TUBGCP4: variants seen among roughly 807,000 people sequenced by gnomAD.
The protein encoded by TUBGCP4 is tubulin gamma complex component 4, also known as gamma-tubulin complex component 4.
Under a neutral mutation model 91.6 loss-of-function variants are expected in TUBGCP4, and 54 were observed. The ratio of observed to expected loss-of-function variants is 0.59; its 90% CI spans 0.47 to 0.74. The LOEUF is 0.74. Among genes scored for constraint, TUBGCP4 ranks in the 30% least tolerant of loss-of-function variants. The pLI is 0.00. For synonymous variants in TUBGCP4, 297 were observed against 302.8 expected (o/e 0.98, Z 0.20); for missense variants, 593 against 800.9 (o/e 0.74, Z 3.13).
chr15:43,408,237 G>A lies in TUBGCP4; in HGVS notation c.*3023G>A. 1.2e-6 allele frequency: 1 copy of A among 807,474 alleles called. No individual in the cohort carries two copies. The highest frequency in any genetic ancestry group is 1.9e-6 in the Non-Finnish European group (1 of 530,636). The allele number at this position is 807,474 out of a possible 1,614,324, so 50.0% of individuals were successfully genotyped here. On this transcript the variant is annotated 3_prime_UTR_variant, in exon 18 of 18. Coordinates refer to ENST00000564079, the MANE Select transcript of TUBGCP4 (RefSeq NM_014444.5). ...TCAAGCCTGTAATCCCAGCACTTTG[G>A]GAGGCTGTCGTGGTTGGATCTCTTG...
chr15:43,377,511 T>C (rs963934462), intron 4 of TUBGCP4: 2 of 301,376 alleles, frequency 6.6e-6, no homozygotes, highest in Non-Finnish European at 1.2e-5. Flanking sequence ...TAGTCCCAGC[T>C]ACTTGGGAGG....
rs2044994760 is a variant in TUBGCP4 at position 43,408,448 on chromosome 15, T to G, written c.*3234T>G. On this transcript the variant is annotated 3_prime_UTR_variant, in exon 18 of 18. Coordinates refer to ENST00000564079, the MANE Select transcript of TUBGCP4 (RefSeq NM_014444.5). ...GTAAGTCGTCACTGCGCCACTGTAC[T>G]CCAGCCTAGGTGACAGAGCAAGACT... 3.7e-6 allele frequency: 1 copy of G among 269,258 alleles called. No individual in the cohort carries two copies. Among genetic ancestry groups the G allele is most frequent in the African/African-American group, 2.2e-5 (1 of 44,668 alleles). The allele number at this position is 269,258 out of a possible 1,614,324, so 16.7% of individuals were successfully genotyped here. A position where few individuals can be genotyped will look rare whatever the true frequency, so the allele number is the denominator to read the frequency against.
At position 43,407,028 on chromosome 15, in the gene TUBGCP4, T is replaced by C. The variant is rs2044919414; in HGVS notation, c.*1814T>C. ...AAACTGAGTTTCTGCAAGCATAGCATTTTAGACACCCTGGAATAACCTTTT... is the reference window on the plus strand; with the variant it reads ...AAACTGAGTTTCTGCAAGCATAGCACTTTAGACACCCTGGAATAACCTTTT... On this transcript the variant is annotated 3_prime_UTR_variant, in exon 18 of 18. Transcript: ENST00000564079. 8 of 245,604 alleles carry C rather than the reference T, an allele frequency of 3.3e-5. 1 individual carries two copies. Among genetic ancestry groups the C allele is most frequent in the Middle Eastern group, 3.0e-3 (2 of 660 alleles). The allele number at this position is 245,604 out of a possible 1,614,324, so 15.2% of individuals were successfully genotyped here.
chr15:43,399,960 G>A, intron 13 of TUBGCP4, 84 bp from the exon 14 acceptor site: 1 of 1,018,380 alleles, frequency 9.8e-7, no homozygotes, highest in East Asian at 2.6e-5. Flanking sequence ...AGGAGTGGGT[G>A]GCACAAAGTC....
chr15:43,372,748 G>A (rs1253323941), intron 1 of TUBGCP4, among the ~76,000 whole-genome samples: 2 of 152,140 alleles, frequency 1.3e-5, no homozygotes, highest in East Asian at 3.8e-4. Context: ...AAGTCACTTT[G>A]TCAGAAAAAC....
intron 10 of TUBGCP4, 50 bp from the exon 11 acceptor site, chr15:43,395,533 G>A (rs753694328): frequency 1.5e-6 from 2 of 1,346,962 alleles, no homozygotes; most frequent in East Asian, 4.6e-5. Flanking sequence ...AGGACAGTGA[G>A]GAGCTCCTGC....
chr15:43,408,080 C>T lies in TUBGCP4; in HGVS notation c.*2866C>T, dbSNP rs1353202985. ...CTTCAGATTCTGGAAAGGATTTTCA[C>T]GGGGTTGCCTATGAAGGAGACAGGA... On this transcript the variant is annotated 3_prime_UTR_variant, in exon 18 of 18. Coordinates refer to ENST00000564079, the MANE Select transcript of TUBGCP4 (RefSeq NM_014444.5). 9 of 1,613,622 alleles carry T rather than the reference C, an allele frequency of 5.6e-6. No individual in the cohort carries two copies. Among genetic ancestry groups the T allele is most frequent in the East Asian group, 2.2e-5 (1 of 44,894 alleles).
rs570130358 is a variant in TUBGCP4, at chr15:43,377,447, A to G, written c.384+380A>G. Among the ~76,000 whole-genome samples, 85 of 152,110 alleles carry G rather than the reference A, an allele frequency of 5.6e-4. 1 individual carries two copies. The highest frequency in any genetic ancestry group is 3.4e-3 in the Middle Eastern group (1 of 294). Reference sequence around the variant, plus strand: ...AGACCAGCCTGGCCAAAATGGTGAAACCCTGTCTCTACTAAACATACAAAA... The same window carrying G: ...AGACCAGCCTGGCCAAAATGGTGAAGCCCTGTCTCTACTAAACATACAAAA... On this transcript the variant is annotated intron_variant, in intron 4 of 17. Transcript: ENST00000564079.
intron 14 of TUBGCP4, among the ~76,000 whole-genome samples, chr15:43,400,761 C>CA (rs928776825): frequency 3.9e-5 from 6 of 151,998 alleles, no homozygotes; most frequent in Admixed American, 2.6e-4. Context: ...ACTAAAAATA[C>CA]AAAAAAATTA....
intron 11 of TUBGCP4, among the ~76,000 whole-genome samples, chr15:43,396,996 T>C (rs2044591771): frequency 6.6e-6 from 1 of 152,186 alleles, no homozygotes; most frequent in Non-Finnish European, 1.5e-5. Flanking sequence ...ACTGGAAATA[T>C]GTGAACTGTA....
chr15:43,385,482 A>G, intron 7 of TUBGCP4: 1 of 470,378 alleles, frequency 2.1e-6, no homozygotes, highest in East Asian at 5.8e-5. Flanking sequence ...CTGGAAAACA[A>G]AAAAGACCAC....
At chr15:43,404,679 G>C in intron 17 of TUBGCP4, 127 bp downstream of exon 17, 1 of 984,262 alleles carries the variant, frequency 1.0e-6, no homozygotes, top group Non-Finnish European at 1.5e-6. Context: ...CTTAGAGATA[G>C]AGGTGTGACC....
intron 17 of TUBGCP4, 155 bp downstream of exon 17, chr15:43,404,707 T>C (rs1017318531): frequency 2.5e-6 from 2 of 792,932 alleles, no homozygotes; most frequent in Middle Eastern, 3.7e-4. Flanking sequence ...ATAATTTTAA[T>C]GGAGGTTATT....
chr15:43,407,657 T>A lies in TUBGCP4; in HGVS notation c.*2443T>A, dbSNP rs1339340296. ...GAGAGATTTGATTCTAACCAATACA[T>A]CCCACTCTGCACAAACCAAAGCCCT... On this transcript the variant is annotated 3_prime_UTR_variant, in exon 18 of 18. Transcript: ENST00000564079. 10 of 1,300,302 alleles carry A rather than the reference T, an allele frequency of 7.7e-6. No homozygotes were observed. The highest frequency in any genetic ancestry group is 1.5e-5 in the African/African-American group (1 of 67,444). 80.5% of individuals were successfully genotyped at this position (1,300,302 alleles called of 1,614,324 possible).
Position 43,376,095 on chromosome 15 carries a change from C to T in TUBGCP4, c.79-3C>T. On this transcript the variant is annotated splice_polypyrimidine_tract_variant and splice_region_variant and intron_variant, in intron 1 of 17. Coordinates refer to ENST00000564079, the MANE Select transcript of TUBGCP4 (RefSeq NM_014444.5). The stretch of plus-strand genomic sequence containing the variant: ...GTTTTCGGCAGTGTTCCTCTTCCTG[C>T]AGGTATCGCAGGACTTCCCTTTCCT... The T allele has an allele frequency of 6.2e-7, 1 of 1,613,392 alleles. No individual in the cohort carries two copies. The highest frequency in any genetic ancestry group is 8.5e-7 in the Non-Finnish European group (1 of 1,179,398).
At chr15:43,375,757 A>G (rs2142764204) in intron 1 of TUBGCP4, among the ~76,000 whole-genome samples, 1 of 152,342 alleles carries the variant, frequency 6.6e-6, no homozygotes, top group South Asian at 2.1e-4. Flanking sequence ...TGTTGCAACC[A>G]GGTCAAAACC....
rs766306906 is a variant in TUBGCP4 at position 43,395,618 on chromosome 15, A to G, written c.1101A>G (p.Glu367=). 5.0e-6 allele frequency: 8 copies of G among 1,614,106 alleles called. No homozygotes were observed. The highest frequency in any genetic ancestry group is 3.3e-4 in the Middle Eastern group (2 of 6,062). The change falls in exon 11 of 18, where the codon GAA becomes GAG. Residue 367 remains glutamate (E), a synonymous_variant. Coordinates refer to ENST00000564079, the MANE Select transcript of TUBGCP4 (RefSeq NM_014444.5). ...IKDFYLLGRG[E]LFQAFIDTAQ... is the part of the protein sequence containing the mutation. ...ACTTTTACCTTCTGGGACGTGGAGA[A>G]CTGTTTCAGGCCTTCATTGACACAG...
chr15:43,374,624 T>A (rs974597434), intron 1 of TUBGCP4, among the ~76,000 whole-genome samples: 3 of 151,556 alleles, frequency 2.0e-5, no homozygotes, highest in Admixed American at 1.3e-4. Flanking sequence ...AAAAAAAAAA[T>A]TAAATATAAA....
In TUBGCP4 at chr15:43,376,179, C is replaced by T. The variant is rs542122190; in HGVS notation, c.160C>T (p.Arg54Cys). 3.7e-6 allele frequency: 6 copies of T among 1,614,118 alleles called. No homozygotes were observed. In the Admixed American group the frequency reaches 5.0e-5, roughly 13 times the overall value. The part of the protein sequence containing the change: ...RLCRLGTDYI[R>C]FTEFIEQYTG... The stretch of plus-strand genomic sequence containing the variant: ...CTGCCGGCTCGGCACAGACTATATT[C>T]GCTTCACTGAGTTCATTGAACAGTA... Residue 54 changes from arginine to cysteine, a missense_variant, in exon 2 of 18, where the codon CGC becomes TGC. By Grantham distance (180) the Arg-to-Cys change is radical (BLOSUM62 -3). Transcript: ENST00000564079.
Sources: allele counts gnomAD v4.1 joint callset (sites outside exome capture counted in the v4.1 genomes callset), GRCh38; gene constraint gnomAD v4.1.1; transcripts MANE v1.5; gene names NCBI Gene and HGNC (gene_info 2026-07-23, HGNC 2026-07-21).